SH3PXD2A: variants seen among roughly 807,000 people sequenced by gnomAD.
SH3PXD2A encodes the protein SH3 and PX domain-containing protein 2A.
In SH3PXD2A, 32 loss-of-function variants were observed where a neutral mutation model predicts 115.2. The observed-to-expected ratio is 0.28, with a 90% CI of 0.21 to 0.37. The LOEUF is 0.37. Ranked by LOEUF, SH3PXD2A falls within the 10% of genes least tolerant of loss-of-function variation. The pLI, the probability that SH3PXD2A is intolerant of heterozygous loss-of-function variation, is 1.00. For missense variants in SH3PXD2A, 1,328 were observed against 1,498.7 expected (o/e 0.89, Z 1.88); for synonymous variants, 610 against 629.1 (o/e 0.97, Z 0.45).
At chr10:103,788,591 G>T (rs1354374027) in intron 2 of SH3PXD2A, among the ~76,000 whole-genome samples, 1 of 152,204 alleles carries the variant, frequency 6.6e-6, no homozygotes. Flanking sequence ...CTGAGGCCGG[G>T]TGCGGTGGCT....
chr10:103,840,086 G>C (rs1409074996), intron 1 of SH3PXD2A, among the ~76,000 whole-genome samples: 3 of 152,248 alleles, frequency 2.0e-5, no homozygotes, highest in African/African-American at 7.2e-5. Context: ...CAGAAATGAT[G>C]GCGCCAACAA....
intron 6 of SH3PXD2A, among the ~76,000 whole-genome samples, chr10:103,683,550 T>C (rs1214920861): frequency 6.6e-6 from 1 of 152,148 alleles, no homozygotes; most frequent in Non-Finnish European, 1.5e-5. Context: ...TGGTTCCACC[T>C]ACTTGGGAGG....
At chr10:103,752,285 G>A (rs1413875130) in intron 3 of SH3PXD2A, among the ~76,000 whole-genome samples, 1 of 152,202 alleles carries the variant, frequency 6.6e-6, no homozygotes, top group African/African-American at 2.4e-5. Context: ...GAGGACTCCT[G>A]TTCTCCTAAA....
intron 5 of SH3PXD2A, among the ~76,000 whole-genome samples, chr10:103,710,866 T>A (rs911185076): frequency 6.6e-6 from 1 of 151,938 alleles, no homozygotes; most frequent in African/African-American, 2.4e-5. Flanking sequence ...CAAGACCCAA[T>A]GTCTACAAAA....
In SH3PXD2A at chr10:103,638,049, C is replaced by T. The variant is rs145420171; in HGVS notation, c.605-10847G>A. Among the ~76,000 whole-genome samples, 41 of 152,342 alleles carry T rather than the reference C, an allele frequency of 2.7e-4. No homozygotes were observed. The East Asian group carries it at 4.2e-3, about 16-fold the overall frequency. On this transcript the variant is annotated intron_variant, in intron 8 of 14. Coordinates refer to ENST00000369774, the MANE Select transcript of SH3PXD2A (RefSeq NM_001394015.1). The stretch of plus-strand genomic sequence containing the variant: ...TCACTGCAGCTCTTGCCAAGACACG[C>T]GCCTCCATGGTCCAAAGCAAACAGG...
intron 3 of SH3PXD2A, among the ~76,000 whole-genome samples, chr10:103,757,681 T>A (rs1215079721): frequency 6.6e-6 from 1 of 152,186 alleles, no homozygotes; most frequent in African/African-American, 2.4e-5. Context: ...TGTTACTCCC[T>A]GCAAGACCTG....
At position 103,855,339 on chromosome 10, in the gene SH3PXD2A, C is replaced by T. The variant is rs1028712792; in HGVS notation, c.-73G>A. ...CCCGGCCGGGCTCCGGCTCCTTCTC[C>T]AGCTGCCGGGGTCCCGGGGCCGCCC... On this transcript the variant is annotated 5_prime_UTR_variant, in exon 1 of 15. Coordinates refer to ENST00000369774, the MANE Select transcript of SH3PXD2A (RefSeq NM_001394015.1). 4.7e-6 allele frequency: 6 copies of T among 1,283,648 alleles called. No individual in the cohort carries two copies. The highest frequency in any genetic ancestry group is 6.3e-6 in the Non-Finnish European group (6 of 947,050). 79.5% of individuals were successfully genotyped at this position (1,283,648 alleles called of 1,614,324 possible).
intron 4 of SH3PXD2A, among the ~76,000 whole-genome samples, chr10:103,735,367 A>G (rs931635336): frequency 1.3e-5 from 2 of 152,250 alleles, no homozygotes; most frequent in African/African-American, 2.4e-5. Flanking sequence ...ATTCAAAGAA[A>G]TAGTTCTTCT....
At chr10:103,834,898 G>C (rs2039515863) in intron 1 of SH3PXD2A, among the ~76,000 whole-genome samples, 1 of 152,230 alleles carries the variant, frequency 6.6e-6, no homozygotes, top group Admixed American at 6.5e-5. Context: ...TCAGTAGACA[G>C]CTGAACCAAC....
At chr10:103,769,960 G>A (rs2038801215) in intron 2 of SH3PXD2A, among the ~76,000 whole-genome samples, 1 of 151,852 alleles carries the variant, frequency 6.6e-6, no homozygotes, top group African/African-American at 2.4e-5. Flanking sequence ...TTCTGTTTTT[G>A]TAGATTTCAT....
intron 14 of SH3PXD2A, among the ~76,000 whole-genome samples, chr10:103,604,722 C>T (rs1229469042): frequency 6.6e-6 from 1 of 152,180 alleles, no homozygotes; most frequent in East Asian, 1.9e-4. Context: ...AGATTTTCTC[C>T]TTCTTTGGGT....
In SH3PXD2A at chr10:103,777,381, G is replaced by A. The variant is rs181954108; in HGVS notation, c.154-10212C>T. On this transcript the variant is annotated intron_variant, in intron 2 of 14. Coordinates refer to ENST00000369774, the MANE Select transcript of SH3PXD2A (RefSeq NM_001394015.1). Reference sequence around the variant, plus strand: ...GGGTCTGGGAGGCGTCTTGGCCTGGGCCAGCTTGGCTCTGGGCATCTAGAG... The same window carrying A: ...GGGTCTGGGAGGCGTCTTGGCCTGGACCAGCTTGGCTCTGGGCATCTAGAG... 3.9e-5 allele frequency among the ~76,000 whole-genome samples: 6 copies of A among 152,388 alleles called. No homozygotes were observed. The East Asian group carries it at 7.7e-4, about 20-fold the overall frequency.
rs2036203465 is a variant in SH3PXD2A, at chr10:103,600,776, C to T, written c.*1040G>A. 6.6e-6 allele frequency: 1 copy of T among 152,224 alleles called. No individual in the cohort carries two copies. Among genetic ancestry groups the T allele is most frequent in the Non-Finnish European group, 1.5e-5 (1 of 68,044 alleles). The allele number at this position is 152,224 out of a possible 1,614,324, so 9.4% of individuals were successfully genotyped here. A position where few individuals can be genotyped will look rare whatever the true frequency, so the allele number is the denominator to read the frequency against. ...AGGCGCCAAGCTCCAGCACAGTCCA[C>T]ACAGTGGAAACCAAATGAAACGACT... On this transcript the variant is annotated 3_prime_UTR_variant, in exon 15 of 15. Coordinates refer to ENST00000369774, the MANE Select transcript of SH3PXD2A (RefSeq NM_001394015.1).
chr10:103,810,767 G>A (rs1422305562), intron 1 of SH3PXD2A, among the ~76,000 whole-genome samples: 1 of 152,048 alleles, frequency 6.6e-6, no homozygotes, highest in African/African-American at 2.4e-5. Flanking sequence ...TGGATCATGA[G>A]GCTATGACTA....
chr10:103,779,822 C>T (rs972749288), intron 2 of SH3PXD2A, among the ~76,000 whole-genome samples: 1 of 152,182 alleles, frequency 6.6e-6, no homozygotes, highest in Non-Finnish European at 1.5e-5. Context: ...GGGTCTCTAG[C>T]CATCCCCTAG....
rs542294752 is a variant in SH3PXD2A at position 103,721,956 on chromosome 10, T to C, written c.398+2314A>G. ...CAACCTGGAAGTTCTGGGTTCAAAT[T>C]CCCGCTCTAGCTGTGAGCTCCTGTT... On this transcript the variant is annotated intron_variant, in intron 5 of 14. Transcript: ENST00000369774. Among the ~76,000 whole-genome samples the C allele has an allele frequency of 7.2e-5, 11 of 151,952 alleles. No individual in the cohort carries two copies. In the East Asian group the frequency reaches 2.1e-3, roughly 30 times the overall value.
chr10:103,742,329 C>T (rs1469836178), intron 3 of SH3PXD2A, among the ~76,000 whole-genome samples: 1 of 152,204 alleles, frequency 6.6e-6, no homozygotes, highest in Non-Finnish European at 1.5e-5. Flanking sequence ...CGATCTCTGT[C>T]TCAGTCTTTA....
In SH3PXD2A at chr10:103,780,204, C is replaced by A. The variant is rs149089922; in HGVS notation, c.154-13035G>T. ...AAGGCAAGGAGATTCCAGAGCAGGC[C>A]CCCAGTGTGCAACCCTGATGGGCTT... is the stretch of plus-strand genomic sequence containing the variant. On this transcript the variant is annotated intron_variant, in intron 2 of 14. Coordinates refer to ENST00000369774, the MANE Select transcript of SH3PXD2A (RefSeq NM_001394015.1). Among the ~76,000 whole-genome samples the A allele has an allele frequency of 5.5e-3, 837 of 152,276 alleles. 7 individuals are homozygous for A. Among genetic ancestry groups the A allele is most frequent in the African/African-American group, 0.019 (803 of 41,536 alleles).
rs140520112 is a variant in SH3PXD2A at position 103,602,857 on chromosome 10, C to A, written c.2361G>T (p.Gln787His). The A allele has an allele frequency of 3.1e-4, 504 of 1,614,106 alleles. 3 individuals are homozygous for A. Among genetic ancestry groups the A allele is most frequent in the Admixed American group, 1.7e-3 (105 of 60,024 alleles). ...TLRRQLRPTG[Q>H]LRGGLKGSKS... is the part of the protein sequence containing the mutation. The stretch of plus-strand genomic sequence containing the variant: ...TGGAGCCCTTGAGCCCTCCACGGAG[C>A]TGGCCTGTGGGTCTCAGCTGGCGCC... Residue 787 changes from glutamine (Q) to histidine (H), a missense_variant, in exon 15 of 15, where the codon CAG (glutamine) becomes CAT (histidine). This residue lies in a region of SH3PXD2A where 574 missense variants were observed against 565.7 expected (regional missense o/e 1.01). Transcript: ENST00000369774.
Sources: gnomAD v4.1 joint callset for allele counts (sites outside exome capture counted in the v4.1 genomes callset) on GRCh38, gnomAD v4.1.1 for gene constraint, gnomAD v4.1.1 regional missense constraint, MANE v1.5 for transcripts, NCBI Gene and HGNC (gene_info 2026-07-23, HGNC 2026-07-21) for gene names.